The following SLC25A48 variants were observed in gnomAD, a reference collection of about 807,000 sequenced individuals.
The protein encoded by SLC25A48 is CTC-321K16.1.
Under a neutral mutation model 32.2 loss-of-function variants are expected in SLC25A48, and 29 were observed. The ratio of observed to expected loss-of-function variants is 0.90; its 90% CI spans 0.67 to 1.23. The LOEUF (loss-of-function observed/expected upper bound fraction) is 1.23. Ranked by LOEUF, SLC25A48 falls within the 50% of genes most tolerant of loss-of-function variation. The pLI is 0.00. For synonymous variants in SLC25A48, 164 were observed against 172.3 expected (o/e 0.95, Z 0.38); for missense variants, 399 against 422.7 (o/e 0.94, Z 0.49).
chr5:135,712,901 C>T (rs1182013441), intron 3 of SLC25A48, among the ~76,000 whole-genome samples: 3 of 152,220 alleles, frequency 2.0e-5, no homozygotes, highest in Non-Finnish European at 4.4e-5. Context: ...CATAGACCAT[C>T]CTCCATAGCC....
intron 3 of SLC25A48, among the ~76,000 whole-genome samples, chr5:135,786,397 T>A (rs1228921133): frequency 6.6e-6 from 1 of 152,122 alleles, no homozygotes; most frequent in African/African-American, 2.4e-5. Context: ...AATGTCACAG[T>A]GGGTCTACGC....
intron 1 of SLC25A48, among the ~76,000 whole-genome samples, chr5:135,835,731 G>A (rs190716346): frequency 1.4e-5 from 2 of 147,654 alleles, no homozygotes; most frequent in East Asian, 3.9e-4. Context: ...ATCTAAAAGG[G>A]TTATCCTAAA....
intron 3 of SLC25A48, among the ~76,000 whole-genome samples, chr5:135,666,008 C>A (rs1753517509): frequency 6.6e-6 from 1 of 152,142 alleles, no homozygotes; most frequent in Admixed American, 6.5e-5. Context: ...CTGTGAGCAC[C>A]ATCACTGTTA....
At chr5:135,583,429 G>A (rs912070268) in intron 1 of SLC25A48, among the ~76,000 whole-genome samples, 5 of 151,976 alleles carry the variant, frequency 3.3e-5, no homozygotes, top group Admixed American at 2.6e-4. Flanking sequence ...GGGATCCAGG[G>A]CAATTCCTTC....
intron 3 of SLC25A48, among the ~76,000 whole-genome samples, chr5:135,768,780 C>A (rs36123013): frequency 0.31 from 46,636 of 151,418 alleles, 7,379 homozygotes; most frequent in East Asian, 0.46. Context: ...GCTTGTACAA[C>A]CCCTTGTGAT....
At chr5:135,626,648 G>A (rs371215794) in intron 1 of SLC25A48, among the ~76,000 whole-genome samples, 1 of 152,156 alleles carries the variant, frequency 6.6e-6, no homozygotes, top group African/African-American at 2.4e-5. Flanking sequence ...AAACCACTTC[G>A]GTGCTTCTCT....
chr5:135,777,739 T>A (rs1756603262), intron 3 of SLC25A48, among the ~76,000 whole-genome samples: 1 of 148,674 alleles, frequency 6.7e-6, no homozygotes, highest in African/African-American at 2.5e-5. Flanking sequence ...TTACTCCCAA[T>A]ACCGAATGAT....
At chr5:135,734,673 CG>C (rs938559855) in intron 3 of SLC25A48, among the ~76,000 whole-genome samples, 2 of 151,864 alleles carry the variant, frequency 1.3e-5, no homozygotes, top group African/African-American at 4.8e-5. Flanking sequence ...AAAAATTAGC[CG>C]GGCGCAGAGG....
At chr5:135,838,798 A>T (rs1257202719) in intron 1 of SLC25A48, among the ~76,000 whole-genome samples, 1 of 152,198 alleles carries the variant, frequency 6.6e-6, no homozygotes, top group African/African-American at 2.4e-5. Context: ...ATTTCAGAGG[A>T]TGTATGAAAA....
intron 2 of SLC25A48, among the ~76,000 whole-genome samples, chr5:135,848,216 G>C (rs201040074): frequency 6.6e-6 from 1 of 152,180 alleles, no homozygotes; most frequent in Non-Finnish European, 1.5e-5. Flanking sequence ...TTATTGGCTT[G>C]AGTGACTCAA....
intron 3 of SLC25A48, among the ~76,000 whole-genome samples, chr5:135,677,455 G>A (rs551504558): frequency 5.6e-4 from 85 of 152,020 alleles, no homozygotes; most frequent in Admixed American, 1.0e-3. Flanking sequence ...TGATATGTGA[G>A]GTTTTGTTCC....
chr5:135,833,050 T>C (rs1322581237), upstream of SLC25A48, among the ~76,000 whole-genome samples: 1 of 152,268 alleles, frequency 6.6e-6, no homozygotes, highest in Admixed American at 6.5e-5. Flanking sequence ...GCATTCTGCC[T>C]GGGCTCATAG....
At chr5:135,864,786 A>G (rs1056046309) in intron 4 of SLC25A48, among the ~76,000 whole-genome samples, 1 of 152,264 alleles carries the variant, frequency 6.6e-6, no homozygotes, top group African/African-American at 2.4e-5. Flanking sequence ...TGTACAAATT[A>G]CGTACATTGG....
At chr5:135,688,801 G>A (rs1317077668) in intron 3 of SLC25A48, among the ~76,000 whole-genome samples, 1 of 152,190 alleles carries the variant, frequency 6.6e-6, no homozygotes, top group African/African-American at 2.4e-5. Flanking sequence ...GCTTTCACCA[G>A]CAGCTGCCCC....
chr5:135,696,851 G>T (rs1425030671), intron 3 of SLC25A48, among the ~76,000 whole-genome samples: 3 of 152,184 alleles, frequency 2.0e-5, no homozygotes, highest in African/African-American at 7.2e-5. Context: ...AGCCACAGGG[G>T]AGCTGGGTAT....
intron 2 of SLC25A48, among the ~76,000 whole-genome samples, chr5:135,631,317 T>G (rs747276688): frequency 2.6e-5 from 4 of 152,188 alleles, no homozygotes; most frequent in Admixed American, 6.5e-5. Flanking sequence ...TGGGATTCCT[T>G]TAATGGACTG....
chr5:135,660,448 A>G (rs1753370865), intron 3 of SLC25A48, among the ~76,000 whole-genome samples: 1 of 152,158 alleles, frequency 6.6e-6, no homozygotes, highest in African/African-American at 2.4e-5. Context: ...ATTCCTCACT[A>G]GTGTCCTAAG....
intron 3 of SLC25A48, among the ~76,000 whole-genome samples, chr5:135,789,767 T>C (rs940696775): frequency 6.6e-6 from 1 of 151,990 alleles, no homozygotes. Flanking sequence ...TTCTCGATTG[T>C]ACCTTGCGAT....
At chr5:135,634,163 T>TG (rs1320880368) in intron 2 of SLC25A48, among the ~76,000 whole-genome samples, 2 of 152,124 alleles carry the variant, frequency 1.3e-5, no homozygotes, top group Non-Finnish European at 1.5e-5. Context: ...CTAGGTGGTG[T>TG]GGGGGTGCTG....
Sources: gnomAD v4.1 joint callset for allele counts (sites outside exome capture counted in the v4.1 genomes callset) on GRCh38, gnomAD v4.1.1 for gene constraint, MANE v1.5 for transcripts, NCBI Gene and HGNC (gene_info 2026-07-23, HGNC 2026-07-21) for gene names.